The following CFAP36 variants were observed in gnomAD, a reference collection of about 807,000 sequenced individuals.
The protein encoded by CFAP36 is cilia- and flagella-associated protein 36.
CFAP36 carries 37 observed loss-of-function variants against 50.5 expected under a neutral mutation model. The ratio of observed to expected loss-of-function variants is 0.73; its 90% confidence interval spans 0.56 to 0.96. The LOEUF (loss-of-function observed/expected upper bound fraction) is 0.96. Ranked by LOEUF, CFAP36 falls within the 50% of genes least tolerant of loss-of-function variation. The pLI, the probability that CFAP36 is intolerant of heterozygous loss-of-function variation, is 0.00. For synonymous variants in CFAP36, 138 were observed against 128.2 expected (o/e 1.08, Z -0.52); for missense variants, 407 against 396.2 (o/e 1.03, Z -0.23).
Position 55,537,570 on chromosome 2 carries a change from G to C in CFAP36, c.625G>C (p.Ala209Pro). 2.5e-6 allele frequency: 4 copies of C among 1,612,104 alleles called. No individual in the cohort carries two copies. Among genetic ancestry groups the C allele is most frequent in the Non-Finnish European group, 3.4e-6 (4 of 1,178,572 alleles). ...TTCCCAAGGGGATGGTGAACATTTT[G>C]CACACCCACCCTCAGGTAAGGTTGA... The part of the protein sequence containing the change: ...NNSQGDGEHF[A>P]HPPSEVKMHF... Residue 209 changes from alanine (A) to proline (P), a missense_variant, in exon 7 of 10, where the codon GCA (alanine) becomes CCA (proline). Physicochemically the swap from Ala to Pro is conservative, Grantham distance 27. Transcript: ENST00000349456.
chr2:55,524,818 C>A (rs901302900), intron 3 of CFAP36, among the ~76,000 whole-genome samples: 19 of 151,790 alleles, frequency 1.3e-4, no homozygotes, highest in African/African-American at 4.4e-4. Context: ...CCCGTCTCTA[C>A]TAAACATACA....
At chr2:55,529,433 AAG>A (rs1574616814) in intron 4 of CFAP36, among the ~76,000 whole-genome samples, 2 of 151,936 alleles carry the variant, frequency 1.3e-5, no homozygotes, top group African/African-American at 4.8e-5. Flanking sequence ...AAAAAAAAAA[AAG>A]AGTATAAACT....
chr2:55,522,785 G>C (rs528620261), intron 2 of CFAP36, among the ~76,000 whole-genome samples: 5 of 152,102 alleles, frequency 3.3e-5, no homozygotes, highest in Non-Finnish European at 7.3e-5. Context: ...TGCCCAGCCT[G>C]TCTTGTGATT....
intron 7 of CFAP36, chr2:55,538,805 C>G: frequency 1.9e-6 from 3 of 1,544,950 alleles, no homozygotes; most frequent in Non-Finnish European, 2.6e-6. Flanking sequence ...GATCACCGAA[C>G]TCTTCAATGG....
intron 7 of CFAP36, among the ~76,000 whole-genome samples, chr2:55,538,295 CTTTT>C (rs35529401): frequency 6.8e-5 from 9 of 132,880 alleles, no homozygotes; most frequent in Non-Finnish European, 8.0e-5. Context: ...TTTCTTTTAT[CTTTT>C]TTTTTTTTTT....
intron 7 of CFAP36, among the ~76,000 whole-genome samples, chr2:55,542,459 T>C (rs1684661223): frequency 6.6e-6 from 1 of 152,198 alleles, no homozygotes; most frequent in South Asian, 2.1e-4. Flanking sequence ...TGCCTGTCTT[T>C]CCCTCATTCC....
chr2:55,537,799 A>G (rs952753207), intron 7 of CFAP36, among the ~76,000 whole-genome samples: 1 of 152,224 alleles, frequency 6.6e-6, no homozygotes, highest in South Asian at 2.1e-4. Context: ...TTTCCGTGTA[A>G]AGCCTGGAAC....
intron 7 of CFAP36, 68 bp downstream of exon 7, chr2:55,537,653 C>A: frequency 1.0e-6 from 1 of 1,004,574 alleles, no homozygotes; most frequent in Non-Finnish European, 1.5e-6. Flanking sequence ...GAATGTGCCA[C>A]TTTCTCATAC....
intron 3 of CFAP36, among the ~76,000 whole-genome samples, chr2:55,525,987 A>G (rs1684198714): frequency 6.6e-6 from 1 of 152,170 alleles, no homozygotes; most frequent in Non-Finnish European, 1.5e-5. Flanking sequence ...CTTAACCTGG[A>G]ATGTATGGTC....
intron 3 of CFAP36, among the ~76,000 whole-genome samples, chr2:55,525,499 T>A (rs13014898): frequency 0.22 from 33,778 of 152,100 alleles, 3,865 homozygotes; most frequent in East Asian, 0.34. Context: ...TTCTACTAAA[T>A]AAACTGTAAT....
chr2:55,525,191 C>G (rs1432201860), intron 3 of CFAP36, among the ~76,000 whole-genome samples: 1 of 152,058 alleles, frequency 6.6e-6, no homozygotes, highest in African/African-American at 2.4e-5. Context: ...GTGGCTCATG[C>G]CTATAATCCC....
chr2:55,540,094 A>G, intron 7 of CFAP36, among the ~76,000 whole-genome samples: 1 of 152,138 alleles, frequency 6.6e-6, no homozygotes, highest in East Asian at 1.9e-4. Flanking sequence ...TTGTCTTCTC[A>G]TCCTCTTGAT....
chr2:55,521,694 A>G (rs1233268089), intron 1 of CFAP36, among the ~76,000 whole-genome samples: 1 of 150,620 alleles, frequency 6.6e-6, no homozygotes, highest in Non-Finnish European at 1.5e-5. Flanking sequence ...CAGTGGTGCA[A>G]TCTTGGCTCA....
intron 7 of CFAP36, among the ~76,000 whole-genome samples, chr2:55,541,958 T>C (rs375083510): frequency 2.8e-4 from 42 of 148,530 alleles, no homozygotes; most frequent in African/African-American, 1.0e-3. Flanking sequence ...GTATATTGAA[T>C]CAGAAGCAGA....
rs138316762 is a variant in CFAP36 at position 55,529,988 on chromosome 2, T to G, written c.397+996T>G. Among the ~76,000 whole-genome samples the G allele has an allele frequency of 5.9e-4, 90 of 152,252 alleles. No individual in the cohort carries two copies. The East Asian group carries it at 0.015, about 25-fold the overall frequency. ...GCTTGCTGAAGCACATATGGCTGCC[T>G]CCCAGTTTCTGATTTAATAGGTCTG... On this transcript the variant is annotated intron_variant, in intron 4 of 9. Coordinates refer to ENST00000349456, the MANE Select transcript of CFAP36 (RefSeq NM_080667.7).
At chr2:55,536,449 C>T (rs1684491133) in intron 6 of CFAP36, among the ~76,000 whole-genome samples, 1 of 151,232 alleles carries the variant, frequency 6.6e-6, no homozygotes, top group Non-Finnish European at 1.5e-5. Context: ...CTTTTATACT[C>T]TTTTATTTAT....
chr2:55,528,597 T>C (rs1684271089), intron 3 of CFAP36, among the ~76,000 whole-genome samples: 1 of 152,092 alleles, frequency 6.6e-6, no homozygotes, highest in African/African-American at 2.4e-5. Context: ...GGTTTCACCA[T>C]GTTGGCTAGG....
At chr2:55,531,197 C>T (rs1684343328) in intron 4 of CFAP36, 1 of 152,150 alleles carries the variant, frequency 6.6e-6, no homozygotes, top group African/African-American at 2.4e-5. Flanking sequence ...GTGGTTTGCT[C>T]TATAAAATCC....
chr2:55,533,839 G>A lies in CFAP36; in HGVS notation c.398-34G>A, dbSNP rs76914056. 1.4e-4 allele frequency: 185 copies of A among 1,311,580 alleles called. No homozygotes were observed. In the African/African-American group the frequency reaches 2.0e-3, roughly 14 times the overall value. 81.2% of individuals were successfully genotyped at this position (1,311,580 alleles called of 1,614,324 possible). A position where few individuals can be genotyped will look rare whatever the true frequency, so the allele number is the denominator to read the frequency against. On this transcript the variant is annotated intron_variant, in intron 4 of 9. Transcript: ENST00000349456. The stretch of plus-strand genomic sequence containing the variant: ...AGAAATATATGTTTTTAATGGAGTT[G>A]ATACTATTTCATGTGGTCTTTGGTT...
Sources: allele counts gnomAD v4.1 joint callset (sites outside exome capture counted in the v4.1 genomes callset), GRCh38; gene constraint gnomAD v4.1.1; transcripts MANE v1.5; gene names NCBI Gene and HGNC (gene_info 2026-07-23, HGNC 2026-07-21).